Variants in ARFGEF3 observed in about 807,000 individuals in gnomAD.
The protein encoded by ARFGEF3 is ARFGEF family member 3.
In ARFGEF3, 96 loss-of-function variants were observed where a neutral mutation model predicts 221.7. That is an observed-to-expected ratio of 0.43 (90% confidence interval 0.37 to 0.51). ARFGEF3 has a LOEUF of 0.51. Ranked by LOEUF, ARFGEF3 falls within the 20% of genes least tolerant of loss-of-function variation. The pLI is 0.00. For synonymous variants in ARFGEF3, 1,145 were observed against 1,126.8 expected (o/e 1.02, Z -0.32); for missense variants, 2,410 against 2,789.9 (o/e 0.86, Z 3.07).
chr6:138,280,110 G>A lies in ARFGEF3; in HGVS notation c.2407G>A (p.Gly803Ser). The A allele has an allele frequency of 1.2e-6, 2 of 1,613,922 alleles. No individual in the cohort carries two copies. Among genetic ancestry groups the A allele is most frequent in the South Asian group, 2.2e-5 (2 of 91,080 alleles). ...VLDRNMLGEA[G>S]YWGSPEDNSL... ...CGACAGGAACATGCTTGGAGAGGCT[G>A]GCTATTGGGGCAGCCCAGAAGATAA... Residue 803 changes from glycine (G) to serine (S), a missense_variant, in exon 14 of 34, where the codon GGC (glycine) becomes AGC (serine). Physicochemically the swap from Gly to Ser is moderately conservative, Grantham distance 56. Transcript: ENST00000251691.
At chr6:138,332,795 G>A (rs1257029774) in intron 32 of ARFGEF3, among the ~76,000 whole-genome samples, 5 of 152,060 alleles carry the variant, frequency 3.3e-5, no homozygotes, top group Non-Finnish European at 7.4e-5. Context: ...AAGTTAAAGC[G>A]ATTTATTTTA....
At chr6:138,176,066 T>G (rs1776939979) in intron 2 of ARFGEF3, among the ~76,000 whole-genome samples, 1 of 152,234 alleles carries the variant, frequency 6.6e-6, no homozygotes, top group Non-Finnish European at 1.5e-5. Flanking sequence ...TGATTCCTGC[T>G]TACTTTTGAT....
intron 22 of ARFGEF3, among the ~76,000 whole-genome samples, chr6:138,306,034 A>G (rs1246504517): frequency 6.6e-6 from 1 of 152,200 alleles, no homozygotes; most frequent in Non-Finnish European, 1.5e-5. Flanking sequence ...GTTTGAAACG[A>G]AAAGTAAAGC....
At chr6:138,298,459 T>G (rs941476643) in intron 21 of ARFGEF3, 147 bp from the exon 22 acceptor site, 1 of 571,058 alleles carries the variant, frequency 1.8e-6, no homozygotes, top group African/African-American at 1.9e-5. Context: ...GTATGCAGTT[T>G]GTTTAGACTT....
intron 4 of ARFGEF3, chr6:138,218,301 A>G: frequency 6.3e-7 from 1 of 1,581,262 alleles, no homozygotes; most frequent in Non-Finnish European, 8.6e-7. Context: ...TAGCCTTGGG[A>G]AGTTACTTAA....
chr6:138,233,803 A>G (rs2114539216), intron 5 of ARFGEF3, among the ~76,000 whole-genome samples: 1 of 152,278 alleles, frequency 6.6e-6, no homozygotes, highest in Non-Finnish European at 1.5e-5. Flanking sequence ...GCCTTGATCT[A>G]TTTATCTCGG....
rs9494953 is a variant in ARFGEF3, at chr6:138,176,591, G to A, written c.137+5878G>A. ...GTATGTGAGGTTTTGTTCCTGTCAC[G>A]TTGTCATTTAGATTCTTTGTTTTTT... On this transcript the variant is annotated intron_variant, in intron 2 of 33. Coordinates refer to ENST00000251691, the MANE Select transcript of ARFGEF3 (RefSeq NM_020340.5). 3.0e-3 allele frequency among the ~76,000 whole-genome samples: 454 copies of A among 151,944 alleles called. 4 individuals carry two copies. The highest frequency in any genetic ancestry group is 0.027 in the Middle Eastern group (8 of 294).
chr6:138,285,101 T>A (rs1412807435), intron 14 of ARFGEF3, among the ~76,000 whole-genome samples: 1 of 152,194 alleles, frequency 6.6e-6, no homozygotes, highest in East Asian at 1.9e-4. Flanking sequence ...AATACTGACC[T>A]ACTTACCTAA....
At position 138,291,593 on chromosome 6, in the gene ARFGEF3, AC is replaced by A; in HGVS notation, c.3048-139del. 2.1e-6 allele frequency: 1 copy of A among 467,456 alleles called. No individual in the cohort carries two copies. Among genetic ancestry groups the A allele is most frequent in the African/African-American group, 2.0e-5 (1 of 49,728 alleles). The allele number at this position is 467,456 out of a possible 1,614,324, so 29.0% of individuals were successfully genotyped here. A position where few individuals can be genotyped will look rare whatever the true frequency, so the allele number is the denominator to read the frequency against. On this transcript the variant is annotated intron_variant, in intron 18 of 33. Transcript: ENST00000251691. The surrounding 1 kb of genome is among the most constrained non-coding windows in gnomAD (Gnocchi z 4.5). The stretch of plus-strand genomic sequence containing the variant: ...TGACATGAGAACACAGGAGGGAAGG[AC>A]TGACTGTCATCACAGGAAAGAGGAA...
chr6:138,264,383 A>T (rs1006670009), intron 12 of ARFGEF3, among the ~76,000 whole-genome samples: 1 of 152,218 alleles, frequency 6.6e-6, no homozygotes, highest in Non-Finnish European at 1.5e-5. Context: ...CATAAAATTT[A>T]TGGTGGGAAT....
intron 26 of ARFGEF3, among the ~76,000 whole-genome samples, chr6:138,316,327 A>T (rs1408041506): frequency 6.6e-6 from 1 of 152,248 alleles, no homozygotes; most frequent in Non-Finnish European, 1.5e-5. Flanking sequence ...ACATTACATT[A>T]TCAGATATTA....
intron 8 of ARFGEF3, among the ~76,000 whole-genome samples, chr6:138,250,692 C>A (rs1368470495): frequency 5.3e-5 from 8 of 152,242 alleles, no homozygotes; most frequent in Admixed American, 5.2e-4. Context: ...GCCTTCACGG[C>A]CTGCGGGTCC....
intron 22 of ARFGEF3, among the ~76,000 whole-genome samples, chr6:138,303,872 A>AT (rs1779669824): frequency 6.7e-6 from 1 of 149,400 alleles, no homozygotes; most frequent in South Asian, 2.1e-4. Flanking sequence ...AAAAAAAAAA[A>AT]AAAAAAAAAA....
intron 29 of ARFGEF3, among the ~76,000 whole-genome samples, chr6:138,321,942 A>G (rs141635185): frequency 2.4e-4 from 37 of 152,280 alleles, no homozygotes; most frequent in Non-Finnish European, 3.2e-4. Context: ...GGCGGAAGGC[A>G]AGGAGGAGCA....
intron 25 of ARFGEF3, among the ~76,000 whole-genome samples, chr6:138,312,214 AG>A (rs1405580867): frequency 3.9e-5 from 6 of 152,116 alleles, no homozygotes; most frequent in African/African-American, 1.4e-4. Context: ...CAAAGTGAGC[AG>A]TGACCATCGT....
chr6:138,227,465 C>T (rs956229940), intron 4 of ARFGEF3, among the ~76,000 whole-genome samples: 1 of 152,148 alleles, frequency 6.6e-6, no homozygotes, highest in African/African-American at 2.4e-5. Flanking sequence ...GAAAGTTGAT[C>T]GTCAGTCCTA....
chr6:138,236,261 A>C (rs1046762857), intron 5 of ARFGEF3, among the ~76,000 whole-genome samples: 2 of 152,202 alleles, frequency 1.3e-5, no homozygotes, highest in African/African-American at 4.8e-5. Flanking sequence ...AAACTCCCCC[A>C]TAAATTTAAA....
At chr6:138,274,027 G>A (rs1351524779) in intron 12 of ARFGEF3, among the ~76,000 whole-genome samples, 3 of 152,164 alleles carry the variant, frequency 2.0e-5, no homozygotes, top group Admixed American at 2.0e-4. Flanking sequence ...CCTATTGGGT[G>A]TCTCCACCAG....
chr6:138,183,405 C>G (rs577584135), intron 2 of ARFGEF3, among the ~76,000 whole-genome samples: 16 of 152,320 alleles, frequency 1.1e-4, no homozygotes, highest in African/African-American at 3.8e-4. Context: ...TGTGCATGCC[C>G]AGGCATTCAG....
Sources: gnomAD v4.1 joint callset for allele counts (sites outside exome capture counted in the v4.1 genomes callset) on GRCh38, gnomAD v4.1.1 for gene constraint, Gnocchi (gnomAD v3.1) non-coding constraint, MANE v1.5 for transcripts, NCBI Gene and HGNC (gene_info 2026-07-23, HGNC 2026-07-21) for gene names.